The following SH3BGRL2 variants were observed in gnomAD, a reference collection of about 807,000 sequenced individuals.
The protein encoded by SH3BGRL2 is SH3 domain-binding glutamic acid-rich-like protein 2.
A neutral mutation model predicts 14.8 loss-of-function variants in SH3BGRL2; 21 were observed. The ratio of observed to expected loss-of-function variants is 1.42; its 90% CI spans 1.01 to 2.05. SH3BGRL2 has a LOEUF of 2.05. Ranked by LOEUF, SH3BGRL2 falls within the 30% of genes most tolerant of loss-of-function variation. The pLI is 0.00. For missense variants in SH3BGRL2, 147 were observed against 130.8 expected (o/e 1.12, Z -0.61); for synonymous variants, 50 against 47.8 (o/e 1.05, Z -0.19).
At chr6:79,671,250 T>C (rs567699839) in intron 1 of SH3BGRL2, among the ~76,000 whole-genome samples, 18 of 152,246 alleles carry the variant, frequency 1.2e-4, no homozygotes, top group African/African-American at 4.3e-4. Flanking sequence ...GCAGATCACC[T>C]GAGGTCGGGA....
In SH3BGRL2 at chr6:79,700,780, T is replaced by A. The variant is rs888503517; in HGVS notation, c.*1271T>A. 6.6e-6 allele frequency: 1 copy of A among 152,234 alleles called. No individual in the cohort carries two copies. The highest frequency in any genetic ancestry group is 2.4e-5 in the African/African-American group (1 of 41,466). 9.4% of individuals were successfully genotyped at this position (152,234 alleles called of 1,614,324 possible). A position where few individuals can be genotyped will look rare whatever the true frequency, so the allele number is the denominator to read the frequency against. On this transcript the variant is annotated 3_prime_UTR_variant, in exon 4 of 4. Coordinates refer to ENST00000369838, the MANE Select transcript of SH3BGRL2 (RefSeq NM_031469.4). ...AGCAGAGGCTATTTTTCTGCATTCT[T>A]GTCCCTATAACAGGGATGCTTAATT...
intron 1 of SH3BGRL2, among the ~76,000 whole-genome samples, chr6:79,664,052 T>C (rs968783125): frequency 1.3e-5 from 2 of 152,148 alleles, no homozygotes; most frequent in African/African-American, 2.4e-5. Flanking sequence ...GAGTGTCCTG[T>C]TTTTCCAGGT....
chr6:79,553,704 G>T, the SH3BGRL2 span, among the ~76,000 whole-genome samples: 2 of 152,150 alleles, frequency 1.3e-5, no homozygotes, highest in Admixed American at 6.5e-5. Flanking sequence ...AGGTGTGGTG[G>T]CTCACGCCTG....
At chr6:79,609,659 C>T in the SH3BGRL2 span, among the ~76,000 whole-genome samples, 6 of 152,128 alleles carry the variant, frequency 3.9e-5, no homozygotes, top group Non-Finnish European at 7.4e-5. Flanking sequence ...AATTATTATT[C>T]GTTCATACAC....
At position 79,690,308 on chromosome 6, in the gene SH3BGRL2, A is replaced by T. The variant is rs139609231; in HGVS notation, c.232-6177A>T. ...CAAATGACCACATAAGATATTTTTA[A>T]TCACATAGAGACAGATGGTAGCCTT... On this transcript the variant is annotated intron_variant, in intron 2 of 3. Transcript: ENST00000369838. 4.1e-4 allele frequency among the ~76,000 whole-genome samples: 63 copies of T among 152,262 alleles called. 2 individuals carry two copies. The East Asian group carries it at 0.012, about 28-fold the overall frequency.
At chr6:79,650,178 T>A (rs1769258234) in intron 1 of SH3BGRL2, among the ~76,000 whole-genome samples, 1 of 152,078 alleles carries the variant, frequency 6.6e-6, no homozygotes, top group Admixed American at 6.6e-5. Context: ...ATGCAGGAAT[T>A]AGGATCATCT....
intron 1 of SH3BGRL2, among the ~76,000 whole-genome samples, chr6:79,634,782 G>A (rs1454959055): frequency 6.6e-6 from 1 of 152,148 alleles, no homozygotes; most frequent in Non-Finnish European, 1.5e-5. Context: ...ATTCTTACCA[G>A]AGATAGAAAA....
the SH3BGRL2 span, among the ~76,000 whole-genome samples, chr6:79,621,324 T>C: frequency 1.3e-5 from 2 of 152,182 alleles, no homozygotes; most frequent in Non-Finnish European, 2.9e-5. Flanking sequence ...GGCTTCTAGA[T>C]TATTAGGTCA....
At chr6:79,649,535 AC>A (rs1391848668) in intron 1 of SH3BGRL2, among the ~76,000 whole-genome samples, 4 of 152,040 alleles carry the variant, frequency 2.6e-5, no homozygotes, top group Admixed American at 6.6e-5. Flanking sequence ...CATTTGTAGC[AC>A]CTTTTTTTGC....
Position 79,699,607 on chromosome 6 carries a change from C to T in SH3BGRL2, c.*98C>T, listed in dbSNP as rs191760549. 5.9e-4 allele frequency: 821 copies of T among 1,384,708 alleles called. 2 individuals carry two copies. The highest frequency in any genetic ancestry group is 7.2e-4 in the Non-Finnish European group (761 of 1,052,466). 85.8% of individuals were successfully genotyped at this position (1,384,708 alleles called of 1,614,324 possible). A position where few individuals can be genotyped will look rare whatever the true frequency, so the allele number is the denominator to read the frequency against. On this transcript the variant is annotated 3_prime_UTR_variant, in exon 4 of 4. Transcript: ENST00000369838. ...ATGCATCACTGTGACAAAAGCCACA[C>T]GCATTATCAGTAACTTTGCTTGCCA...
the SH3BGRL2 span, among the ~76,000 whole-genome samples, chr6:79,584,711 T>C: frequency 6.6e-6 from 1 of 152,076 alleles, no homozygotes; most frequent in East Asian, 1.9e-4. Context: ...GACACCAAAA[T>C]GAAGAAGTGG....
intron 1 of SH3BGRL2, among the ~76,000 whole-genome samples, chr6:79,636,894 T>A (rs2127722712): frequency 6.6e-6 from 1 of 152,312 alleles, no homozygotes; most frequent in Admixed American, 6.5e-5. Context: ...CATCTTACCT[T>A]GATTATCTGC....
At chr6:79,594,110 G>A in the SH3BGRL2 span, among the ~76,000 whole-genome samples, 2 of 151,380 alleles carry the variant, frequency 1.3e-5, no homozygotes, top group Non-Finnish European at 2.9e-5. Context: ...TTGAAGAATA[G>A]AGAAGCTTGA....
chr6:79,680,505 A>C (rs1454314813), intron 2 of SH3BGRL2, among the ~76,000 whole-genome samples: 1 of 152,180 alleles, frequency 6.6e-6, no homozygotes, highest in African/African-American at 2.4e-5. Context: ...GAAATCAGAA[A>C]GCATAAGTCC....
the SH3BGRL2 span, among the ~76,000 whole-genome samples, chr6:79,566,693 G>A: frequency 6.6e-6 from 1 of 151,926 alleles, no homozygotes; most frequent in African/African-American, 2.4e-5. Context: ...GGGACCAGTG[G>A]TGGCACTTTG....
intron 2 of SH3BGRL2, among the ~76,000 whole-genome samples, chr6:79,687,819 C>T (rs1248841615): frequency 6.6e-6 from 1 of 152,128 alleles, no homozygotes; most frequent in African/African-American, 2.4e-5. Flanking sequence ...GTTGCTATGC[C>T]ATTTCCTTGT....
chr6:79,590,067 C>T, the SH3BGRL2 span, among the ~76,000 whole-genome samples: 1 of 152,050 alleles, frequency 6.6e-6, no homozygotes, highest in African/African-American at 2.4e-5. Context: ...GCCACCTTGT[C>T]AGGCTGAATA....
At chr6:79,651,030 G>A (rs559378753) in intron 1 of SH3BGRL2, among the ~76,000 whole-genome samples, 30 of 151,750 alleles carry the variant, frequency 2.0e-4, no homozygotes, top group Admixed American at 7.9e-4. Context: ...AATAGAAGTC[G>A]TTTTTATATA....
rs537396536 is a variant in SH3BGRL2, at chr6:79,631,524, G to A, written c.45+18G>A. 3 of 1,450,410 alleles carry A rather than the reference G, an allele frequency of 2.1e-6. No homozygotes were observed. The highest frequency in any genetic ancestry group is 5.5e-5 in the East Asian group (2 of 36,180). 89.8% of individuals were successfully genotyped at this position (1,450,410 alleles called of 1,614,324 possible). A position where few individuals can be genotyped will look rare whatever the true frequency, so the allele number is the denominator to read the frequency against. On this transcript the variant is annotated intron_variant, in intron 1 of 3. Coordinates refer to ENST00000369838, the MANE Select transcript of SH3BGRL2 (RefSeq NM_031469.4). The stretch of plus-strand genomic sequence containing the variant: ...TCGTGGCGGTGAGCGCGGTGGGGGC[G>A]GGCAGTAGGTTGGGGTCGCGGGGCG...
Sources: allele counts gnomAD v4.1 joint callset (sites outside exome capture counted in the v4.1 genomes callset), GRCh38; gene constraint gnomAD v4.1.1; transcripts MANE v1.5; gene names NCBI Gene and HGNC (gene_info 2026-07-23, HGNC 2026-07-21).